Variants in GRIK2 observed in about 807,000 individuals in gnomAD.
The protein encoded by GRIK2 is glutamate receptor ionotropic, kainate 2.
In GRIK2, 32 loss-of-function variants were observed where a neutral mutation model predicts 100.3. The ratio of observed to expected loss-of-function variants is 0.32; its 90% CI spans 0.24 to 0.43. GRIK2 has a LOEUF of 0.43. Among genes scored for constraint, GRIK2 ranks in the 20% least tolerant of loss-of-function variants. The pLI, the probability that GRIK2 is intolerant of heterozygous loss-of-function variation, is 1.00. For synonymous variants in GRIK2, 417 were observed against 389.4 expected (o/e 1.07, Z -0.83); for missense variants, 843 against 1,114.9 (o/e 0.76, Z 3.47).
At chr6:101,560,057 C>T (rs1415873265) in intron 2 of GRIK2, among the ~76,000 whole-genome samples, 1 of 152,092 alleles carries the variant, frequency 6.6e-6, no homozygotes. Flanking sequence ...TCAGCTGATT[C>T]GATGTGATAT....
intron 11 of GRIK2, among the ~76,000 whole-genome samples, chr6:101,869,968 C>T (rs888900620): frequency 5.3e-5 from 8 of 151,940 alleles, no homozygotes; most frequent in African/African-American, 1.9e-4. Context: ...ACCAACTAAG[C>T]AGGCCCAATT....
At chr6:101,408,796 A>C (rs972760555) in intron 2 of GRIK2, among the ~76,000 whole-genome samples, 20 of 151,944 alleles carry the variant, frequency 1.3e-4, no homozygotes, top group Admixed American at 8.5e-4. Context: ...GACACACCCA[A>C]ATTGTTTGAC....
At chr6:101,565,933 GTGTATATATATA>G (rs1397931629) in intron 2 of GRIK2, among the ~76,000 whole-genome samples, 1 of 62,758 alleles carries the variant, frequency 1.6e-5, no homozygotes, top group African/African-American at 5.1e-5. Flanking sequence ...ATATATATAT[GTGTATATATATA>G]TATATATATA....
intron 2 of GRIK2, among the ~76,000 whole-genome samples, chr6:101,550,359 C>G (rs373604881): frequency 4.6e-5 from 7 of 152,230 alleles, no homozygotes; most frequent in Admixed American, 4.6e-4. Context: ...TGTTCTCTTT[C>G]CTTTGAGAAA....
At chr6:101,800,721 T>G (rs2128413845) in intron 8 of GRIK2, among the ~76,000 whole-genome samples, 1 of 152,220 alleles carries the variant, frequency 6.6e-6, no homozygotes, top group Non-Finnish European at 1.5e-5. Flanking sequence ...TGCAGTTTAT[T>G]AGTTGCCCCA....
intron 9 of GRIK2, 33 bp from the exon 10 acceptor site, chr6:101,818,337 G>A (rs1268451846): frequency 1.6e-6 from 2 of 1,216,568 alleles, no homozygotes; most frequent in Admixed American, 1.7e-5. Flanking sequence ...GTGCCTGATG[G>A]ACAATTTACA....
intron 2 of GRIK2, among the ~76,000 whole-genome samples, chr6:101,584,816 A>C (rs1285698941): frequency 7.1e-6 from 1 of 141,770 alleles, no homozygotes; most frequent in African/African-American, 2.6e-5. Context: ...TGATTTATTT[A>C]CAACTATGTA....
chr6:101,413,797 A>G, intron 2 of GRIK2, among the ~76,000 whole-genome samples: 1 of 152,294 alleles, frequency 6.6e-6, no homozygotes, highest in Non-Finnish European at 1.5e-5. Flanking sequence ...TCTAACATTT[A>G]GAGTTTATAC....
chr6:101,912,095 CACACAAACACACACACAG>C (rs1220407551), intron 12 of GRIK2, among the ~76,000 whole-genome samples: 8,911 of 34,036 alleles, frequency 0.26, 427 homozygotes, highest in African/African-American at 0.36. Flanking sequence ...CAAACACACA[CACACAAACACACACACAG>C]AGACCGAGAG....
chr6:101,923,066 CTTTT>C (rs1284324669), intron 12 of GRIK2, among the ~76,000 whole-genome samples: 1 of 152,076 alleles, frequency 6.6e-6, no homozygotes, highest in Admixed American at 6.6e-5. Context: ...AAACAAAACA[CTTTT>C]TTGTTTGTCA....
rs370260196 is a variant in GRIK2 at position 101,839,185 on chromosome 6, C to G, written c.1318-20102C>G. On this transcript the variant is annotated intron_variant, in intron 10 of 16. Coordinates refer to ENST00000369134, the MANE Select transcript of GRIK2 (RefSeq NM_021956.5). ...CCAGGCTACTCTGACTTTCACTGTT[C>G]TGAATTTGTATCTTTGCTCATAACC... is the stretch of plus-strand genomic sequence containing the variant. 4.6e-5 allele frequency among the ~76,000 whole-genome samples: 7 copies of G among 152,206 alleles called. 1 individual carries two copies. Among genetic ancestry groups the G allele is most frequent in the East Asian group, 1.9e-4 (1 of 5,168 alleles).
chr6:102,009,451 G>C (rs1422589356), intron 14 of GRIK2, among the ~76,000 whole-genome samples: 1 of 151,974 alleles, frequency 6.6e-6, no homozygotes, highest in Admixed American at 6.5e-5. Context: ...TATGACTTCC[G>C]TTAAGGTTCT....
rs181269903 is a variant in GRIK2, at chr6:101,886,970, C to T, written c.1525-2670C>T. Among the ~76,000 whole-genome samples the T allele has an allele frequency of 6.5e-3, 975 of 150,690 alleles. 10 individuals carry two copies. The highest frequency in any genetic ancestry group is 0.021 in the African/African-American group (853 of 41,110). The stretch of plus-strand genomic sequence containing the variant: ...CCTCCCGAGTAGCTGGGACTACAGG[C>T]GTGTGCCACCACACCTGGGTATTTT... On this transcript the variant is annotated intron_variant, in intron 11 of 16. Coordinates refer to ENST00000369134, the MANE Select transcript of GRIK2 (RefSeq NM_021956.5).
rs543971162 is a variant in GRIK2, at chr6:101,608,497, A to C, written c.116-13452A>C. ...AGCTATGTAATTTGCCTTTCTTACT[A>C]ATAGAAATATACAAAATTGCTTGCT... On this transcript the variant is annotated intron_variant, in intron 2 of 16. Coordinates refer to ENST00000369134, the MANE Select transcript of GRIK2 (RefSeq NM_021956.5). Among the ~76,000 whole-genome samples the C allele has an allele frequency of 3.3e-5, 5 of 152,014 alleles. No individual in the cohort carries two copies. The South Asian group carries it at 1.0e-3, about 31-fold the overall frequency.
chr6:101,506,423 C>A (rs1774029411), intron 2 of GRIK2, among the ~76,000 whole-genome samples: 1 of 152,052 alleles, frequency 6.6e-6, no homozygotes, highest in Non-Finnish European at 1.5e-5. Flanking sequence ...TGGTGCCAAA[C>A]ATATTTAATT....
At chr6:101,495,209 T>G (rs1014968514) in intron 2 of GRIK2, among the ~76,000 whole-genome samples, 2 of 151,762 alleles carry the variant, frequency 1.3e-5, no homozygotes, top group Non-Finnish European at 2.9e-5. Flanking sequence ...ATTTAGCCTT[T>G]AAGTTGCAGA....
intron 2 of GRIK2, among the ~76,000 whole-genome samples, chr6:101,552,163 T>C (rs1257933949): frequency 6.6e-6 from 1 of 152,110 alleles, no homozygotes; most frequent in East Asian, 1.9e-4. Context: ...TGGGAGTAAA[T>C]TCAAGATACA....
At chr6:101,858,307 T>A (rs1265515569) in intron 10 of GRIK2, among the ~76,000 whole-genome samples, 29 of 151,670 alleles carry the variant, frequency 1.9e-4, no homozygotes. Flanking sequence ...CAATAGGTGC[T>A]CCATAAAATT....
At chr6:101,509,296 T>C (rs1432752856) in intron 2 of GRIK2, among the ~76,000 whole-genome samples, 1 of 152,086 alleles carries the variant, frequency 6.6e-6, no homozygotes, top group African/African-American at 2.4e-5. Context: ...TAGTGCTAAG[T>C]AGGATTTAAG....
Sources: allele counts gnomAD v4.1 joint callset (sites outside exome capture counted in the v4.1 genomes callset), GRCh38; gene constraint gnomAD v4.1.1; transcripts MANE v1.5; gene names NCBI Gene and HGNC (gene_info 2026-07-23, HGNC 2026-07-21).